Variants in UMAD1 observed in about 807,000 individuals in gnomAD.
UMAD1 encodes the protein UBAP1-MVB12-associated (UMA)-domain containing protein 1.
A neutral mutation model predicts 6.1 loss-of-function variants in UMAD1; 8 were observed. The observed-to-expected ratio is 1.30, with a 90% CI of 0.76 to 2.35. The LOEUF is 2.35. UMAD1 is among the 30% of genes most tolerant of loss of function. The pLI, the probability that UMAD1 is intolerant of heterozygous loss-of-function variation, is 0.00. For synonymous variants in UMAD1, 56 were observed against 31.4 expected (o/e 1.78, Z -2.61); for missense variants, 130 against 78.4 (o/e 1.66, Z -2.49).
chr7:7,848,581 A>G (rs1463135337), intron 3 of UMAD1, among the ~76,000 whole-genome samples: 1 of 152,160 alleles, frequency 6.6e-6, no homozygotes, highest in Non-Finnish European at 1.5e-5. Context: ...GCTTACTATT[A>G]TTGAAATGTT....
intron 3 of UMAD1, among the ~76,000 whole-genome samples, chr7:7,836,955 TAA>T (rs35860331): frequency 2.7e-5 from 4 of 145,930 alleles, no homozygotes; most frequent in African/African-American, 1.0e-4. Flanking sequence ...CCAAAACTAT[TAA>T]AAAAAAAAAA....
intron 2 of UMAD1, among the ~76,000 whole-genome samples, chr7:7,741,271 T>C (rs1781457703): frequency 6.8e-6 from 1 of 147,754 alleles, no homozygotes; most frequent in African/African-American, 2.5e-5. Flanking sequence ...AAAAATAGTC[T>C]CAAAAAAAAA....
Position 7,723,839 on chromosome 7 carries a change from T to C in UMAD1, c.82+50386T>C, listed in dbSNP as rs186983394. Among the ~76,000 whole-genome samples, 38 of 152,302 alleles carry C rather than the reference T, an allele frequency of 2.5e-4. No homozygotes were observed. The Middle Eastern group carries it at 0.021, about 82-fold the overall frequency. On this transcript the variant is annotated intron_variant, in intron 2 of 3. Transcript: ENST00000682710. ...AACAATCAGAATAGTCTGACTCGTGTAGAGCTCTGCCATTGGCTAATTAAT... is the reference window on the plus strand; with the variant it reads ...AACAATCAGAATAGTCTGACTCGTGCAGAGCTCTGCCATTGGCTAATTAAT...
At chr7:7,770,939 A>G (rs1055025074) in intron 2 of UMAD1, among the ~76,000 whole-genome samples, 2 of 152,144 alleles carry the variant, frequency 1.3e-5, no homozygotes, top group Non-Finnish European at 2.9e-5. Flanking sequence ...GTAATTAAAG[A>G]TGTCTTGGTG....
intron 3 of UMAD1, among the ~76,000 whole-genome samples, chr7:7,839,618 A>T (rs1316258181): frequency 6.6e-6 from 1 of 152,192 alleles, no homozygotes; most frequent in Non-Finnish European, 1.5e-5. Context: ...TTCGAATGCT[A>T]ATAGGAATGA....
At chr7:7,761,801 T>A (rs1781895289) in intron 2 of UMAD1, among the ~76,000 whole-genome samples, 2 of 152,220 alleles carry the variant, frequency 1.3e-5, no homozygotes, top group Non-Finnish European at 2.9e-5. Context: ...TCCCCCCTTG[T>A]GACATCTGAG....
chr7:7,772,665 T>C (rs1253655386), intron 2 of UMAD1, among the ~76,000 whole-genome samples: 1 of 152,184 alleles, frequency 6.6e-6, no homozygotes, highest in Admixed American at 6.5e-5. Context: ...CAATTTACAG[T>C]CATTGCCATT....
intron 1 of UMAD1, among the ~76,000 whole-genome samples, chr7:7,664,659 T>C (rs1454562824): frequency 2.0e-5 from 3 of 152,220 alleles, no homozygotes; most frequent in Admixed American, 2.0e-4. Context: ...ACACATCAGA[T>C]GAAGTTAAAC....
At chr7:7,805,176 A>T (rs75944099) in intron 3 of UMAD1, among the ~76,000 whole-genome samples, 3,435 of 152,162 alleles carry the variant, frequency 0.023, 49 homozygotes, top group Middle Eastern at 0.058. Context: ...TAGACTCTGT[A>T]CCCAACTGCC....
chr7:7,784,756 C>CT (rs71014716), intron 2 of UMAD1, among the ~76,000 whole-genome samples: 917 of 78,388 alleles, frequency 0.012, 26 homozygotes, highest in Middle Eastern at 0.026. Flanking sequence ...GCCCTTCCTT[C>CT]TTTTTTTTTT....
At chr7:7,741,550 C>T (rs528170158) in intron 2 of UMAD1, among the ~76,000 whole-genome samples, 1 of 149,812 alleles carries the variant, frequency 6.7e-6, no homozygotes, top group East Asian at 1.9e-4. Flanking sequence ...GCACTCCAGC[C>T]TGGGCTACAG....
intron 2 of UMAD1, among the ~76,000 whole-genome samples, chr7:7,780,511 G>T (rs1782323090): frequency 6.6e-6 from 1 of 152,108 alleles, no homozygotes; most frequent in Non-Finnish European, 1.5e-5. Context: ...TAGCATACAT[G>T]CAGAAACATG....
chr7:7,742,693 A>G (rs1258267399), intron 2 of UMAD1: 1 of 233,158 alleles, frequency 4.3e-6, no homozygotes, highest in Non-Finnish European at 8.6e-6. Flanking sequence ...AAATATGAAT[A>G]ATCAAACATT....
intron 2 of UMAD1, chr7:7,735,903 A>C (rs1045147007): frequency 6.6e-6 from 1 of 152,080 alleles, no homozygotes; most frequent in Non-Finnish European, 1.5e-5. Flanking sequence ...TGCCATCATT[A>C]GGCACATCCA....
At chr7:7,708,757 C>G (rs1348325906) in intron 2 of UMAD1, among the ~76,000 whole-genome samples, 1 of 152,068 alleles carries the variant, frequency 6.6e-6, no homozygotes, top group East Asian at 1.9e-4. Flanking sequence ...TGGAGACAGA[C>G]CCAGCTTTTC....
chr7:7,840,110 G>A (rs537150934), intron 3 of UMAD1, among the ~76,000 whole-genome samples: 4 of 152,292 alleles, frequency 2.6e-5, no homozygotes, highest in Non-Finnish European at 5.9e-5. Context: ...CCATTTTGGG[G>A]GGCAGGGCAG....
At chr7:7,825,148 G>C (rs987477975) in intron 3 of UMAD1, among the ~76,000 whole-genome samples, 1 of 152,038 alleles carries the variant, frequency 6.6e-6, no homozygotes, top group African/African-American at 2.4e-5. Context: ...TAGGAGGTGG[G>C]CGCAGGGGGG....
intron 2 of UMAD1, among the ~76,000 whole-genome samples, chr7:7,696,684 A>G (rs186170846): frequency 2.9e-4 from 44 of 152,190 alleles, no homozygotes; most frequent in African/African-American, 1.1e-3. Flanking sequence ...TAAATAAAGC[A>G]CTCCGTAAAG....
At chr7:7,827,179 A>G (rs1044702072) in intron 3 of UMAD1, among the ~76,000 whole-genome samples, 2 of 78,768 alleles carry the variant, frequency 2.5e-5, no homozygotes, top group African/African-American at 1.3e-4. Flanking sequence ...GTGTGTGTGT[A>G]TCACATGAAA....
Sources: gnomAD v4.1 joint callset for allele counts (sites outside exome capture counted in the v4.1 genomes callset) on GRCh38, gnomAD v4.1.1 for gene constraint, MANE v1.5 for transcripts, NCBI Gene and HGNC (gene_info 2026-07-23, HGNC 2026-07-21) for gene names.